The following KCNIP4 variants were observed in gnomAD, a reference collection of about 807,000 sequenced individuals.
KCNIP4 encodes Kv channel-interacting protein 4.
KCNIP4 carries 12 observed loss-of-function variants against 34.0 expected under a neutral mutation model. That is an observed-to-expected ratio of 0.35 (90% CI 0.23 to 0.57). KCNIP4 has a LOEUF of 0.57. KCNIP4 is among the 20% of genes least tolerant of loss of function. The pLI is 0.83. For missense variants in KCNIP4, 238 were observed against 311.7 expected (o/e 0.76, Z 1.78); for synonymous variants, 124 against 102.2 (o/e 1.21, Z -1.29).
chr4:21,125,227 T>TTTTATTTTATTTTATTTTATTTTAC (rs1298614373), intron 1 of KCNIP4, among the ~76,000 whole-genome samples: 2 of 150,182 alleles, frequency 1.3e-5, no homozygotes, highest in South Asian at 4.2e-4. Flanking sequence ...TTTTATTTTA[T>TTTTATTTTATTTTATTTTATTTTAC]TTTATTGTGA....
chr4:20,788,479 A>G (rs1255270436), intron 3 of KCNIP4, among the ~76,000 whole-genome samples: 2 of 152,190 alleles, frequency 1.3e-5, no homozygotes, highest in Non-Finnish European at 2.9e-5. Flanking sequence ...AGAAGAGCAG[A>G]GAACACACAG....
At chr4:21,841,469 CA>C (rs1397443208) in intron 1 of KCNIP4, among the ~76,000 whole-genome samples, 8 of 152,128 alleles carry the variant, frequency 5.3e-5, no homozygotes, top group Non-Finnish European at 8.8e-5. Flanking sequence ...ATGTGACTTC[CA>C]ACCTTATTCT....
At chr4:21,582,544 G>A (rs1430943186) in intron 1 of KCNIP4, among the ~76,000 whole-genome samples, 3 of 151,882 alleles carry the variant, frequency 2.0e-5, no homozygotes, top group African/African-American at 7.2e-5. Context: ...TTCAGAAAAA[G>A]TGAATATAAT....
chr4:20,891,288 G>A (rs1301014949), intron 1 of KCNIP4, among the ~76,000 whole-genome samples: 3 of 152,080 alleles, frequency 2.0e-5, no homozygotes, highest in African/African-American at 7.2e-5. Flanking sequence ...TACAGATCTG[G>A]TGTCTTCCCA....
At position 20,952,098 on chromosome 4, in the gene KCNIP4, TG is replaced by T; in HGVS notation, c.62-69390del. ...AAATATTATCAAGGAAAAATCCAGC[TG>T]GATTACAAATACATTTAACAGGAAA... On this transcript the variant is annotated intron_variant, in intron 1 of 8. Transcript: ENST00000382152. 1.3e-5 allele frequency among the ~76,000 whole-genome samples: 2 copies of T among 152,314 alleles called. 1 individual carries two copies. The highest frequency in any genetic ancestry group is 4.1e-4 in the South Asian group (2 of 4,832).
intron 1 of KCNIP4, among the ~76,000 whole-genome samples, chr4:21,366,037 C>T (rs1307724140): frequency 6.6e-6 from 1 of 152,144 alleles, no homozygotes; most frequent in Non-Finnish European, 1.5e-5. Flanking sequence ...CTTGATGATC[C>T]TATCATAGAT....
chr4:20,975,889 T>C (rs1397342185), intron 1 of KCNIP4, among the ~76,000 whole-genome samples: 4 of 152,146 alleles, frequency 2.6e-5, no homozygotes, highest in South Asian at 2.1e-4. Flanking sequence ...CATATGAAAA[T>C]TGTATGGGAT....
intron 1 of KCNIP4, among the ~76,000 whole-genome samples, chr4:21,647,441 C>T (rs1412583854): frequency 6.6e-6 from 1 of 152,068 alleles, no homozygotes; most frequent in African/African-American, 2.4e-5. Flanking sequence ...CAGGGGTGGG[C>T]ACTGGCCATG....
At chr4:20,736,410 T>C (rs1408527830) in intron 5 of KCNIP4, among the ~76,000 whole-genome samples, 1 of 152,200 alleles carries the variant, frequency 6.6e-6, no homozygotes, top group Admixed American at 6.5e-5. Context: ...TTTTCTATCA[T>C]ATATTCTAAA....
chr4:21,636,143 G>T (rs111536952), intron 1 of KCNIP4, among the ~76,000 whole-genome samples: 1 of 114,822 alleles, frequency 8.7e-6, no homozygotes, highest in East Asian at 3.2e-4. Context: ...CTGTTGTGGG[G>T]TGGGGGGAGG....
intron 1 of KCNIP4, among the ~76,000 whole-genome samples, chr4:21,799,485 C>T (rs932812787): frequency 2.0e-5 from 3 of 152,120 alleles, no homozygotes; most frequent in Admixed American, 2.0e-4. Flanking sequence ...TATATGATAC[C>T]TGTTTGTTGC....
At position 21,104,034 on chromosome 4, in the gene KCNIP4, T is replaced by G. The variant is rs566568331; in HGVS notation, c.62-221325A>C. 6.0e-3 allele frequency among the ~76,000 whole-genome samples: 828 copies of G among 138,610 alleles called. 4 individuals carry two copies. Among genetic ancestry groups the G allele is most frequent in the African/African-American group, 0.021 (726 of 34,208 alleles). 90.9% of individuals were successfully genotyped at this position (138,610 alleles called of 152,430 possible). On this transcript the variant is annotated intron_variant, in intron 1 of 8. Coordinates refer to ENST00000382152, the MANE Select transcript of KCNIP4 (RefSeq NM_025221.6). ...AGTCTTTGCTATTGTGAATAGTGCCTCAATAAACATACATGTCCTTGTCTC... is the reference window on the plus strand; with the variant it reads ...AGTCTTTGCTATTGTGAATAGTGCCGCAATAAACATACATGTCCTTGTCTC...
chr4:21,379,041 T>C (rs1560346202), intron 1 of KCNIP4, among the ~76,000 whole-genome samples: 2 of 152,220 alleles, frequency 1.3e-5, no homozygotes, highest in Admixed American at 6.5e-5. Context: ...ACATATTATC[T>C]ATGCATGAGC....
At chr4:21,237,532 A>C (rs1214702625) in intron 1 of KCNIP4, among the ~76,000 whole-genome samples, 1 of 152,190 alleles carries the variant, frequency 6.6e-6, no homozygotes, top group Non-Finnish European at 1.5e-5. Context: ...ACGCAATAAA[A>C]AATGATAACG....
intron 1 of KCNIP4, among the ~76,000 whole-genome samples, chr4:21,805,174 G>A (rs952166231): frequency 3.3e-5 from 5 of 152,094 alleles, no homozygotes; most frequent in African/African-American, 1.2e-4. Context: ...ATTTGCAATG[G>A]GTGGACTTCA....
chr4:21,561,628 T>C (rs946934876), intron 1 of KCNIP4, among the ~76,000 whole-genome samples: 12 of 151,908 alleles, frequency 7.9e-5, no homozygotes, highest in Admixed American at 2.0e-4. Context: ...ACCGGTTTTA[T>C]GCATACTGTC....
At chr4:21,681,873 C>CTTTTTTTT (rs35681482) in intron 1 of KCNIP4, among the ~76,000 whole-genome samples, 3 of 147,512 alleles carry the variant, frequency 2.0e-5, no homozygotes, top group African/African-American at 7.6e-5. Context: ...GAATGCCACA[C>CTTTTTTTT]TTTTTTTTTT....
At chr4:20,897,977 AG>A (rs1726741719) in intron 1 of KCNIP4, among the ~76,000 whole-genome samples, 1 of 152,186 alleles carries the variant, frequency 6.6e-6, no homozygotes, top group Admixed American at 6.5e-5. Flanking sequence ...TCCAGAAGAT[AG>A]TAGCATTCAA....
At chr4:21,055,042 A>G (rs1303894628) in intron 1 of KCNIP4, among the ~76,000 whole-genome samples, 2 of 152,190 alleles carry the variant, frequency 1.3e-5, no homozygotes, top group Admixed American at 1.3e-4. Flanking sequence ...TTTCCAAAGT[A>G]TACAAAAAAC....
Sources: gnomAD v4.1 joint callset for allele counts (sites outside exome capture counted in the v4.1 genomes callset) on GRCh38, gnomAD v4.1.1 for gene constraint, MANE v1.5 for transcripts, NCBI Gene and HGNC (gene_info 2026-07-23, HGNC 2026-07-21) for gene names.